MCPH1: variants seen among roughly 807,000 people sequenced by gnomAD.
MCPH1 encodes microcephalin.
A neutral mutation model predicts 84.5 loss-of-function variants in MCPH1; 104 were observed. That is an observed-to-expected ratio of 1.23 (90% confidence interval 1.05 to 1.45). The LOEUF (loss-of-function observed/expected upper bound fraction) is 1.45. Among genes scored for constraint, MCPH1 ranks in the 40% most tolerant of loss-of-function variants. The probability of loss-of-function intolerance (pLI) is 0.00; values close to 1 mark genes in which losing one functional copy is unlikely to be tolerated. For missense variants in MCPH1, 1,498 were observed against 1,005.7 expected (o/e 1.49, Z -6.62); for synonymous variants, 514 against 366.8 (o/e 1.40, Z -4.58).
intron 12 of MCPH1, among the ~76,000 whole-genome samples, chr8:6,579,373 G>A (rs1350541458): frequency 6.6e-6 from 1 of 152,182 alleles, no homozygotes; most frequent in East Asian, 1.9e-4. Flanking sequence ...CCATTCCCTT[G>A]GGAAATTATG....
At chr8:6,573,616 T>A (rs1284714936) in intron 12 of MCPH1, among the ~76,000 whole-genome samples, 2 of 151,168 alleles carry the variant, frequency 1.3e-5, no homozygotes, top group Non-Finnish European at 2.9e-5. Context: ...CCTGGCCAAC[T>A]TAAGCCTACT....
chr8:6,521,304 A>C (rs1817292864), intron 12 of MCPH1: 1 of 1,613,690 alleles, frequency 6.2e-7, no homozygotes, highest in African/African-American at 1.3e-5. Context: ...TCAATGATGG[A>C]ATTTTGCTTG....
At chr8:6,562,460 C>T (rs1355868662) in intron 12 of MCPH1, among the ~76,000 whole-genome samples, 1 of 150,908 alleles carries the variant, frequency 6.6e-6, no homozygotes, top group Non-Finnish European at 1.5e-5. Context: ...CCGGGGACTA[C>T]CCACACACCC....
rs530318900 is a variant in MCPH1 at position 6,519,566 on chromosome 8, G to A, written c.2214+19637G>A. On this transcript the variant is annotated intron_variant, in intron 12 of 13. Coordinates refer to ENST00000344683, the MANE Select transcript of MCPH1 (RefSeq NM_024596.5). ...TAAGGAAATGAGTCTGACACCTCAG[G>A]AAAAACAACTGACAGTATGCATTAT... is the stretch of plus-strand genomic sequence containing the variant. Among the ~76,000 whole-genome samples the A allele has an allele frequency of 5.9e-5, 9 of 152,218 alleles. No individual in the cohort carries two copies. In the South Asian group the frequency reaches 1.9e-3, roughly 32 times the overall value.
intron 12 of MCPH1, among the ~76,000 whole-genome samples, chr8:6,586,848 T>C (rs1439710945): frequency 6.6e-6 from 1 of 152,198 alleles, no homozygotes; most frequent in African/African-American, 2.4e-5. Context: ...ACCTGAATCC[T>C]GTCGCTGGCT....
intron 9 of MCPH1, among the ~76,000 whole-genome samples, chr8:6,472,278 A>G (rs1585971236): frequency 2.0e-5 from 3 of 152,360 alleles, no homozygotes; most frequent in African/African-American, 7.2e-5. Context: ...ACACCTATGT[A>G]TTAATAACAT....
intron 13 of MCPH1, among the ~76,000 whole-genome samples, chr8:6,637,658 G>C (rs1047923203): frequency 2.0e-5 from 3 of 152,270 alleles, no homozygotes; most frequent in Admixed American, 2.0e-4. Flanking sequence ...CTCTGTTTGT[G>C]TTTATTTTTG....
chr8:6,455,134 G>T lies in MCPH1; in HGVS notation c.1826-9G>T, dbSNP rs1805532916. The T allele has an allele frequency of 6.2e-7, 1 of 1,606,448 alleles. No individual in the cohort carries two copies. Among genetic ancestry groups the T allele is most frequent in the Admixed American group, 1.7e-5 (1 of 59,980 alleles). On this transcript the variant is annotated splice_polypyrimidine_tract_variant and intron_variant, in intron 8 of 13. Coordinates refer to ENST00000344683, the MANE Select transcript of MCPH1 (RefSeq NM_024596.5). ...GTTCTAACTAATTTTTAATCCCCTT[G>T]GGTTTTAGGTGTTAAAAATAGACCA...
rs539382328 is a variant in MCPH1 at position 6,565,915 on chromosome 8, A to G, written c.2215-55539A>G. The stretch of plus-strand genomic sequence containing the variant: ...GAACATGGAAGGAACAGCTCTTTGT[A>G]GATTCCTAAATGGAAATTATCGGAA... On this transcript the variant is annotated intron_variant, in intron 12 of 13. Transcript: ENST00000344683. 2.0e-5 allele frequency among the ~76,000 whole-genome samples: 3 copies of G among 152,344 alleles called. No individual in the cohort carries two copies. The East Asian group carries it at 5.8e-4, about 29-fold the overall frequency.
chr8:6,550,872 G>A (rs1443050329), intron 12 of MCPH1, among the ~76,000 whole-genome samples: 1 of 152,152 alleles, frequency 6.6e-6, no homozygotes, highest in African/African-American at 2.4e-5. Flanking sequence ...CACAGTGATG[G>A]TCAGCAGCGT....
intron 1 of MCPH1, chr8:6,407,036 C>T (rs1194796675): frequency 2.8e-6 from 1 of 359,804 alleles, no homozygotes; most frequent in East Asian, 7.7e-5. Flanking sequence ...GCTGCCTGCT[C>T]CCTCCCCCAT....
chr8:6,447,433 C>T, intron 8 of MCPH1: 1 of 985,078 alleles, frequency 1.0e-6, no homozygotes, highest in Non-Finnish European at 1.2e-6. Context: ...TTACTTGTTG[C>T]TGTTGTCAGT....
intron 12 of MCPH1, among the ~76,000 whole-genome samples, chr8:6,590,334 C>G (rs771922571): frequency 3.3e-5 from 5 of 152,116 alleles, no homozygotes; most frequent in Admixed American, 3.3e-4. Context: ...CCATCATCAC[C>G]TCATGCATGA....
intron 12 of MCPH1, among the ~76,000 whole-genome samples, chr8:6,566,250 G>A (rs897841403): frequency 2.0e-5 from 3 of 152,250 alleles, no homozygotes; most frequent in African/African-American, 7.2e-5. Flanking sequence ...GGCCTGGACT[G>A]TAGCTTGCTG....
At position 6,581,403 on chromosome 8, in the gene MCPH1, A is replaced by C. The variant is rs554952284; in HGVS notation, c.2215-40051A>C. On this transcript the variant is annotated intron_variant, in intron 12 of 13. Coordinates refer to ENST00000344683, the MANE Select transcript of MCPH1 (RefSeq NM_024596.5). Reference sequence around the variant, plus strand: ...AATCCAATGTCCCTATGCTATTTGTAACTGTGGAGCCAAGAGAAGCTGTTG... The same window carrying C: ...AATCCAATGTCCCTATGCTATTTGTCACTGTGGAGCCAAGAGAAGCTGTTG... Among the ~76,000 whole-genome samples, 508 of 152,356 alleles carry C rather than the reference A, an allele frequency of 3.3e-3. 7 individuals carry two copies. Among genetic ancestry groups the C allele is most frequent in the African/African-American group, 0.011 (471 of 41,590 alleles).
At chr8:6,550,688 C>G (rs1050811171) in intron 12 of MCPH1, among the ~76,000 whole-genome samples, 1 of 152,160 alleles carries the variant, frequency 6.6e-6, no homozygotes, top group Non-Finnish European at 1.5e-5. Context: ...TTTTTAAAAT[C>G]TGTTTTATTG....
At chr8:6,532,908 C>A (rs905848914) in intron 12 of MCPH1, among the ~76,000 whole-genome samples, 1 of 152,178 alleles carries the variant, frequency 6.6e-6, no homozygotes, top group Non-Finnish European at 1.5e-5. Flanking sequence ...ATCACTATTT[C>A]TCTCACATTC....
intron 12 of MCPH1, among the ~76,000 whole-genome samples, chr8:6,524,693 G>A (rs1016452406): frequency 2.0e-5 from 3 of 152,170 alleles, no homozygotes; most frequent in Non-Finnish European, 4.4e-5. Context: ...TAGATGTTTT[G>A]ATGGTCTTCA....
In MCPH1 at chr8:6,480,846, G is replaced by A. The variant is rs1296663413; in HGVS notation, c.2106G>A (p.Ala702=). ...LRTLNVLLGI[A]RGCWVLSYDW... ...CCCTGAATGTGCTGCTGGGAATTGC[G>A]CGTGGCTGCTGGGTTCTCTCTTATG... is the stretch of plus-strand genomic sequence containing the variant. Residue 702 remains alanine, a synonymous_variant, in exon 11 of 14, where the codon GCG becomes GCA. Coordinates refer to ENST00000344683, the MANE Select transcript of MCPH1 (RefSeq NM_024596.5). 5.0e-6 allele frequency: 8 copies of A among 1,614,068 alleles called. No individual in the cohort carries two copies. The East Asian group carries it at 8.9e-5, about 18-fold the overall frequency.
Sources: gnomAD v4.1 joint callset for allele counts (sites outside exome capture counted in the v4.1 genomes callset) on GRCh38, gnomAD v4.1.1 for gene constraint, MANE v1.5 for transcripts, NCBI Gene and HGNC (gene_info 2026-07-23, HGNC 2026-07-21) for gene names.